CNBD1: variants seen among roughly 807,000 people sequenced by gnomAD.
CNBD1 encodes the protein cyclic nucleotide binding domain containing 1, also known as cyclic nucleotide-binding domain-containing protein 1.
In CNBD1, 71 loss-of-function variants were observed where a neutral mutation model predicts 54.4. That is an observed-to-expected ratio of 1.30 (90% confidence interval 1.08 to 1.59). The LOEUF (loss-of-function observed/expected upper bound fraction) is 1.59. CNBD1 is among the 40% of genes most tolerant of loss of function. The pLI, the probability that CNBD1 is intolerant of heterozygous loss-of-function variation, is 0.00. For synonymous variants in CNBD1, 182 were observed against 170.7 expected, an observed-to-expected ratio of 1.07 and a Z score of -0.51; for missense variants, 659 against 518.0, an observed-to-expected ratio of 1.27 and a Z score of -2.64.
chr8:86,997,023 C>T (rs538521585), intron 4 of CNBD1, among the ~76,000 whole-genome samples: 3 of 152,268 alleles, frequency 2.0e-5, no homozygotes, highest in East Asian at 3.9e-4. Context: ...CTCTAGAAAG[C>T]CCTACCTTCT....
At chr8:87,359,597 G>A (rs1316901065) in intron 10 of CNBD1, among the ~76,000 whole-genome samples, 12 of 152,018 alleles carry the variant, frequency 7.9e-5, no homozygotes, top group African/African-American at 2.9e-4. Flanking sequence ...GAAGAACAAT[G>A]ATATTAATTT....
intron 4 of CNBD1, among the ~76,000 whole-genome samples, chr8:87,189,354 A>G (rs1813549925): frequency 6.6e-6 from 1 of 152,202 alleles, no homozygotes; most frequent in Non-Finnish European, 1.5e-5. Context: ...AAACATGTAG[A>G]TAAAATAAGC....
chr8:87,062,875 T>C (rs1403714428), intron 4 of CNBD1, among the ~76,000 whole-genome samples: 5 of 152,156 alleles, frequency 3.3e-5, no homozygotes, highest in Non-Finnish European at 7.3e-5. Context: ...TTAATAGTAA[T>C]GCATATTAAA....
intron 6 of CNBD1, among the ~76,000 whole-genome samples, chr8:87,243,609 T>A (rs1446694591): frequency 1.3e-5 from 2 of 152,190 alleles, no homozygotes; most frequent in African/African-American, 4.8e-5. Context: ...CATTTATTCA[T>A]GGGCATTTTT....
intron 8 of CNBD1, among the ~76,000 whole-genome samples, chr8:87,292,328 A>C (rs1808803195): frequency 6.6e-6 from 1 of 152,206 alleles, no homozygotes; most frequent in African/African-American, 2.4e-5. Flanking sequence ...GCACGGCATT[A>C]AGGACAGCAA....
At chr8:86,970,770 T>C (rs1450976276) in intron 4 of CNBD1, among the ~76,000 whole-genome samples, 1 of 152,226 alleles carries the variant, frequency 6.6e-6, no homozygotes, top group Non-Finnish European at 1.5e-5. Flanking sequence ...ATCCATGTTG[T>C]TGCAAAGGAC....
At chr8:87,175,802 G>A (rs925068110) in intron 4 of CNBD1, among the ~76,000 whole-genome samples, 1 of 152,174 alleles carries the variant, frequency 6.6e-6, no homozygotes, top group Non-Finnish European at 1.5e-5. Flanking sequence ...TGGAATTTTA[G>A]TCCTTGTGTC....
At chr8:87,243,170 C>T (rs1807739484) in intron 6 of CNBD1, among the ~76,000 whole-genome samples, 2 of 152,224 alleles carry the variant, frequency 1.3e-5, no homozygotes, top group Admixed American at 1.3e-4. Flanking sequence ...CTGCCCAGTA[C>T]ATCTGAGGTT....
rs1813370490 is a variant in CNBD1, at chr8:87,182,286, C to T, written c.432-23707C>T. ...GTATATATACCATATTTTCTTTATC[C>T]AGTTTACCATTGATGGGTATTTAGG... is the stretch of plus-strand genomic sequence containing the variant. On this transcript the variant is annotated intron_variant, in intron 4 of 10. Transcript: ENST00000518476. The surrounding 1 kb of genome is among the most constrained non-coding windows in gnomAD (Gnocchi z 4.1). Among the ~76,000 whole-genome samples, 1 of 151,870 alleles carries T rather than the reference C, an allele frequency of 6.6e-6. No homozygotes were observed. The highest frequency in any genetic ancestry group is 2.4e-5 in the African/African-American group (1 of 41,330).
chr8:87,284,982 ATAGG>A (rs1168060059), intron 7 of CNBD1, among the ~76,000 whole-genome samples, 167 bp downstream of exon 7: 6 of 152,104 alleles, frequency 3.9e-5, no homozygotes, highest in Non-Finnish European at 5.9e-5. Flanking sequence ...AGTGCTGGTG[ATAGG>A]TAGGTGAGGT....
intron 6 of CNBD1, among the ~76,000 whole-genome samples, chr8:87,268,718 A>G (rs1025474719): frequency 1.3e-5 from 2 of 152,226 alleles, no homozygotes; most frequent in East Asian, 3.9e-4. Context: ...CACTGGTCAC[A>G]TGTATGTCTT....
intron 4 of CNBD1, among the ~76,000 whole-genome samples, chr8:87,144,533 A>G (rs1043512729): frequency 5.3e-5 from 8 of 152,234 alleles, no homozygotes; most frequent in African/African-American, 1.9e-4. Context: ...CTATCCCAAT[A>G]GAAATTTTAG....
intron 8 of CNBD1, among the ~76,000 whole-genome samples, chr8:87,293,415 G>A (rs942743388): frequency 6.6e-6 from 1 of 151,960 alleles, no homozygotes; most frequent in African/African-American, 2.4e-5. Flanking sequence ...ACAGTGGCAG[G>A]CGCTTGTAAT....
chr8:87,241,523 C>T (rs13277239), intron 6 of CNBD1, among the ~76,000 whole-genome samples: 106,020 of 151,192 alleles, frequency 0.7, 38,249 homozygotes, highest in African/African-American at 0.86. Flanking sequence ...CCACCCGCCT[C>T]GGCCTCCCAA....
chr8:86,983,152 G>A (rs374842623), intron 4 of CNBD1, among the ~76,000 whole-genome samples: 2 of 152,074 alleles, frequency 1.3e-5, no homozygotes, highest in Middle Eastern at 3.2e-3. Context: ...ATTGTATCAT[G>A]GGGGCAGGCT....
At chr8:86,992,087 C>T (rs1015449649) in intron 4 of CNBD1, among the ~76,000 whole-genome samples, 1 of 152,078 alleles carries the variant, frequency 6.6e-6, no homozygotes, top group African/African-American at 2.4e-5. Flanking sequence ...CCTCAGTGTT[C>T]TGTGTAACAC....
chr8:87,019,026 A>G (rs1046720302), intron 4 of CNBD1, among the ~76,000 whole-genome samples: 2 of 152,224 alleles, frequency 1.3e-5, no homozygotes, highest in African/African-American at 4.8e-5. Flanking sequence ...ACCTTGTAAC[A>G]AAGTCTCCTG....
At chr8:87,198,886 C>A (rs1813780327) in intron 4 of CNBD1, among the ~76,000 whole-genome samples, 1 of 152,162 alleles carries the variant, frequency 6.6e-6, no homozygotes, top group Non-Finnish European at 1.5e-5. Context: ...GTTCTGCAGG[C>A]TTTACAGGAA....
chr8:86,943,781 G>T (rs781238205), intron 4 of CNBD1, among the ~76,000 whole-genome samples: 4 of 152,068 alleles, frequency 2.6e-5, no homozygotes, highest in Non-Finnish European at 5.9e-5. Context: ...AACAGAAACT[G>T]ACTCTGGTTC....
Sources: gnomAD v4.1 joint callset for allele counts (sites outside exome capture counted in the v4.1 genomes callset) on GRCh38, gnomAD v4.1.1 for gene constraint, Gnocchi (gnomAD v3.1) non-coding constraint, MANE v1.5 for transcripts, NCBI Gene and HGNC (gene_info 2026-07-23, HGNC 2026-07-21) for gene names.